ESYT3: variants seen among roughly 807,000 people sequenced by gnomAD.
ESYT3 encodes the protein extended synaptotagmin-3.
In ESYT3, 101 loss-of-function variants were observed where a neutral mutation model predicts 111.5. The observed-to-expected ratio is 0.91, with a 90% CI of 0.77 to 1.07. The LOEUF (loss-of-function observed/expected upper bound fraction) is 1.07, where lower values mean the gene tolerates loss of function less well. Among genes scored for constraint, ESYT3 ranks in the 50% least tolerant of loss-of-function variants. The probability of loss-of-function intolerance (pLI) is 0.00; values close to 1 mark genes in which losing one functional copy is unlikely to be tolerated. For missense variants in ESYT3, 1,097 were observed against 1,109.4 expected (o/e 0.99, Z 0.16); for synonymous variants, 416 against 446.8 (o/e 0.93, Z 0.87).
In ESYT3 at chr3:138,479,358, A is replaced by G. The variant is rs1219986388; in HGVS notation, c.*2504A>G. 6.6e-6 allele frequency: 1 copy of G among 152,266 alleles called. No individual in the cohort carries two copies. The highest frequency in any genetic ancestry group is 1.5e-5 in the Non-Finnish European group (1 of 68,052). The allele number at this position is 152,266 out of a possible 1,614,324, so 9.4% of individuals were successfully genotyped here. On this transcript the variant is annotated 3_prime_UTR_variant, in exon 23 of 23. Transcript: ENST00000389567. ...TTAGTACTAACAACTAAGAAGGGGC[A>G]GCTAGGCTGATTAAGAAAGTAAGTA...
intron 3 of ESYT3, among the ~76,000 whole-genome samples, chr3:138,457,210 T>A (rs1406055661): frequency 6.6e-6 from 1 of 152,250 alleles, no homozygotes; most frequent in South Asian, 2.1e-4. Context: ...CCTGTGCCTA[T>A]GCCCAGCTCC....
chr3:138,437,196 A>G (rs1214547225), intron 1 of ESYT3, among the ~76,000 whole-genome samples: 2 of 152,192 alleles, frequency 1.3e-5, no homozygotes, highest in African/African-American at 4.8e-5. Flanking sequence ...CAGATGCATA[A>G]CAGGTCATTG....
intron 1 of ESYT3, among the ~76,000 whole-genome samples, chr3:138,446,070 A>G (rs2031517960): frequency 6.6e-6 from 1 of 152,184 alleles, no homozygotes; most frequent in Non-Finnish European, 1.5e-5. Flanking sequence ...CCTCATTTGT[A>G]AAAGGGGAAT....
chr3:138,468,506 C>T, intron 12 of ESYT3, 149 bp from the exon 13 acceptor site: 5 of 763,554 alleles, frequency 6.5e-6, no homozygotes, highest in Non-Finnish European at 1.1e-5. Flanking sequence ...TTAACCTCAA[C>T]AAAATGCTAG....
intron 12 of ESYT3, 93 bp from the exon 13 acceptor site, chr3:138,468,562 C>G: frequency 1.5e-6 from 2 of 1,309,368 alleles, no homozygotes; most frequent in Non-Finnish European, 2.2e-6. Flanking sequence ...TGAAGGCTAG[C>G]TGGCTTTCTT....
chr3:138,472,848 C>T lies in ESYT3; in HGVS notation c.2226C>T (p.Ser742=), dbSNP rs1265417547. 2 of 1,613,806 alleles carry T rather than the reference C, an allele frequency of 1.2e-6. No homozygotes were observed. Residue 742 remains serine (S), a synonymous_variant, in exon 18 of 23, where the codon AGC becomes AGT. Coordinates refer to ENST00000389567, the MANE Select transcript of ESYT3 (RefSeq NM_031913.5). ...ASSCFDLADI[S]LNIEGGDLRR... is the part of the protein sequence containing the mutation. ...CTTGCTTTGACCTGGCAGATATCAGCCTCAACATTGAGTATGCACCTCTCT... is the reference window on the plus strand; with the variant it reads ...CTTGCTTTGACCTGGCAGATATCAGTCTCAACATTGAGTATGCACCTCTCT...
At chr3:138,480,384 T>C (rs1037751993), downstream of ESYT3, 3 of 137,032 alleles carry the variant, frequency 2.2e-5, no homozygotes, top group Admixed American at 7.8e-5. Context: ...CCACTTCTGT[T>C]CAACAATGTA....
At position 138,478,350 on chromosome 3, in the gene ESYT3, C is replaced by T. The variant is rs754596448; in HGVS notation, c.*1496C>T. On this transcript the variant is annotated 3_prime_UTR_variant, in exon 23 of 23. Coordinates refer to ENST00000389567, the MANE Select transcript of ESYT3 (RefSeq NM_031913.5). ...TACATAGAAGATGCATGGTGAAATT[C>T]GTTTCTGCTGAGGTTTCTATTTTAA... The T allele has an allele frequency of 1.3e-5, 2 of 152,160 alleles. No individual in the cohort carries two copies. Among genetic ancestry groups the T allele is most frequent in the Non-Finnish European group, 2.9e-5 (2 of 68,036 alleles). 9.4% of individuals were successfully genotyped at this position (152,160 alleles called of 1,614,324 possible).
In ESYT3 at chr3:138,479,316, ATAG is replaced by A. The variant is rs1455369352; in HGVS notation, c.*2466_*2468del. ...AAGATTTTTGCAAGGGTTCAGAAAC[ATAG>A]TAGAACTAAAATGTTAGTACTAACA... On this transcript the variant is annotated 3_prime_UTR_variant, in exon 23 of 23. Transcript: ENST00000389567. The A allele has an allele frequency of 3.3e-5, 5 of 152,238 alleles. No individual in the cohort carries two copies. Among genetic ancestry groups the A allele is most frequent in the Admixed American group, 6.5e-5 (1 of 15,292 alleles). The allele number at this position is 152,238 out of a possible 1,614,324, so 9.4% of individuals were successfully genotyped here.
At chr3:138,468,268 G>A in intron 12 of ESYT3, 74 bp downstream of exon 12, 1 of 1,414,080 alleles carries the variant, frequency 7.1e-7, no homozygotes. Context: ...GCAGGTGGAG[G>A]AAGGGTGGGA....
chr3:138,472,685 T>C lies in ESYT3; in HGVS notation c.2063T>C (p.Ile688Thr). 6.2e-7 allele frequency: 1 copy of C among 1,614,182 alleles called. No homozygotes were observed. Among genetic ancestry groups the C allele is most frequent in the Non-Finnish European group, 8.5e-7 (1 of 1,180,038 alleles). Residue 688 changes from isoleucine to threonine, a missense_variant, in exon 18 of 23, where the codon ATC (isoleucine) becomes ACC (threonine). Ile to Thr is a moderately conservative substitution (Grantham distance 89, BLOSUM62 -1). Coordinates refer to ENST00000389567, the MANE Select transcript of ESYT3 (RefSeq NM_031913.5). ...GGGGAGAAGAAGAGTCCAGCCACCA[T>C]CTTCCTGACTGTCCCAGGTCCCCAC... ...PIGEKKSPAT[I>T]FLTVPGPHSP...
intron 2 of ESYT3, among the ~76,000 whole-genome samples, chr3:138,454,387 AAAAAATT>A (rs1436944340): frequency 6.6e-6 from 1 of 152,126 alleles, no homozygotes; most frequent in Non-Finnish European, 1.5e-5. Flanking sequence ...AAAAATAAAA[AAAAAATT>A]AAAAATTAAA....
chr3:138,453,525 C>T (rs2108606731), intron 2 of ESYT3, among the ~76,000 whole-genome samples: 1 of 152,314 alleles, frequency 6.6e-6, no homozygotes, highest in African/African-American at 2.4e-5. Flanking sequence ...GCCCTAAAAT[C>T]TCACAGCCTT....
At chr3:138,446,609 C>T (rs1022404997) in intron 1 of ESYT3, among the ~76,000 whole-genome samples, 1 of 152,128 alleles carries the variant, frequency 6.6e-6, no homozygotes, top group African/African-American at 2.4e-5. Context: ...TAATGATATA[C>T]CTGGGCATGG....
chr3:138,443,271 C>T (rs971889317), intron 1 of ESYT3, among the ~76,000 whole-genome samples: 5 of 152,186 alleles, frequency 3.3e-5, no homozygotes, highest in African/African-American at 1.2e-4. Context: ...GCAATTGTTT[C>T]CCTCAAAGTA....
At chr3:138,469,295 G>A in intron 14 of ESYT3, 141 bp from the exon 15 acceptor site, 1 of 711,824 alleles carries the variant, frequency 1.4e-6, no homozygotes, top group Non-Finnish European at 2.4e-6. Context: ...GGGGGACTGG[G>A]GCATTAGAGT....
At chr3:138,476,775 A>G (rs1306203794) in intron 22 of ESYT3, 43 bp from the exon 23 acceptor site, 1 of 1,599,740 alleles carries the variant, frequency 6.3e-7, no homozygotes, top group African/African-American at 1.3e-5. Flanking sequence ...ACCACAACAC[A>G]CTGTCATTAC....
At chr3:138,451,408 G>A (rs1374389172) in intron 1 of ESYT3, among the ~76,000 whole-genome samples, 6 of 152,164 alleles carry the variant, frequency 3.9e-5, no homozygotes, top group Admixed American at 2.6e-4. Context: ...CTTATCACTG[G>A]GTGGTAGAAT....
chr3:138,460,147 G>C (rs1335823012), intron 6 of ESYT3, 113 bp downstream of exon 6: 1 of 870,276 alleles, frequency 1.1e-6, no homozygotes, highest in African/African-American at 1.7e-5. Context: ...AGCCCACTGA[G>C]ACCTGGGCAG....
Sources: allele counts gnomAD v4.1 joint callset (sites outside exome capture counted in the v4.1 genomes callset), GRCh38; gene constraint gnomAD v4.1.1; transcripts MANE v1.5; gene names NCBI Gene and HGNC (gene_info 2026-07-23, HGNC 2026-07-21).